The following ZNRF3 variants were observed in gnomAD, a reference collection of about 807,000 sequenced individuals.
ZNRF3 encodes the protein zinc and ring finger 3.
ZNRF3 carries 23 observed loss-of-function variants against 72.5 expected under a neutral mutation model. The ratio of observed to expected loss-of-function variants is 0.32; its 90% CI spans 0.23 to 0.45. ZNRF3 has a LOEUF of 0.45. ZNRF3 is among the 20% of genes least tolerant of loss of function. The probability of loss-of-function intolerance (pLI) is 1.00; values close to 1 mark genes in which losing one functional copy is unlikely to be tolerated. For missense variants in ZNRF3, 1,169 were observed against 1,272.1 expected, an observed-to-expected ratio of 0.92 and a Z score of 1.23; for synonymous variants, 610 against 545.3, an observed-to-expected ratio of 1.12 and a Z score of -1.65.
Position 28,883,830 on chromosome 22 carries a change from C to A in ZNRF3, c.64C>A (p.Arg22Ser), listed in dbSNP as rs1428891778. Residue 22 changes from arginine (R) to serine (S), a missense_variant, in exon 1 of 9, where the codon CGC becomes AGC. This residue lies in a region of ZNRF3 where 386 missense variants were observed against 540.7 expected (regional missense o/e 0.71). Coordinates refer to ENST00000544604, the MANE Select transcript of ZNRF3 (RefSeq NM_001206998.2). This position sits in a 1 kb window ranked among gnomAD's most constrained non-coding sequence, Gnocchi z 5.5. ...TGRRRRRLRR[R>S]PRGLRCSRLP... Reference sequence around the variant, plus strand: ...CCGCCGCCGCCGCCGCCTGCGCCGCCGCCCCCGCGGCCTCCGGTGCAGCCG... The same window carrying A: ...CCGCCGCCGCCGCCGCCTGCGCCGCAGCCCCCGCGGCCTCCGGTGCAGCCG... 1 of 978,534 alleles carries A rather than the reference C, an allele frequency of 1.0e-6. No homozygotes were observed. The highest frequency in any genetic ancestry group is 1.2e-6 in the Non-Finnish European group (1 of 827,204). 60.6% of individuals were successfully genotyped at this position (978,534 alleles called of 1,614,324 possible).
chr22:28,966,559 A>G (rs577425521), intron 1 of ZNRF3, among the ~76,000 whole-genome samples: 56 of 152,186 alleles, frequency 3.7e-4, no homozygotes, highest in Non-Finnish European at 7.8e-4. Flanking sequence ...AGACAGTGAC[A>G]TTGATGATCC....
chr22:29,046,395 G>A (rs1206523761), intron 5 of ZNRF3, among the ~76,000 whole-genome samples: 8 of 152,202 alleles, frequency 5.3e-5, no homozygotes, highest in African/African-American at 9.7e-5. Flanking sequence ...AACGCTTGGC[G>A]TAGAACAGGT....
chr22:28,898,426 C>T (rs183431654), intron 1 of ZNRF3, among the ~76,000 whole-genome samples: 16 of 152,316 alleles, frequency 1.1e-4, no homozygotes, highest in Non-Finnish European at 1.8e-4. Context: ...GAGGTGACAC[C>T]CTCTGGCTCC....
rs1013263254 is a variant in ZNRF3, at chr22:29,050,728, C to T, written c.2547C>T (p.Thr849=). 1.6e-5 allele frequency: 26 copies of T among 1,610,888 alleles called. No homozygotes were observed. The highest frequency in any genetic ancestry group is 2.0e-5 in the Non-Finnish European group (24 of 1,178,940). The change falls in exon 8 of 9, where the codon ACC becomes ACT. Residue 849 remains threonine, a synonymous_variant. Transcript: ENST00000544604. ...DLGLPSDCQG[T]HSLGSWGGTR... ...GCCTGCCCTCGGACTGCCAAGGGAC[C>T]CACAGCCTCGGCTCCTGGGGTGGGA...
intron 1 of ZNRF3, among the ~76,000 whole-genome samples, chr22:28,917,851 C>G (rs2034437133): frequency 6.6e-6 from 1 of 152,198 alleles, no homozygotes; most frequent in Non-Finnish European, 1.5e-5. Flanking sequence ...GGCGTGCTGT[C>G]CCCTGGCCAC....
intron 1 of ZNRF3, among the ~76,000 whole-genome samples, chr22:28,919,651 C>T (rs749574925): frequency 3.3e-5 from 5 of 150,868 alleles, no homozygotes; most frequent in East Asian, 4.0e-4. Context: ...GGATTACAGG[C>T]GCGTGCCACC....
At position 28,967,533 on chromosome 22, in the gene ZNRF3, C is replaced by T. The variant is rs112271241; in HGVS notation, c.301-19543C>T. 2.4e-4 allele frequency among the ~76,000 whole-genome samples: 36 copies of T among 152,366 alleles called. 2 individuals are homozygous for T. Among genetic ancestry groups the T allele is most frequent in the African/African-American group, 8.7e-4 (36 of 41,592 alleles). On this transcript the variant is annotated intron_variant, in intron 1 of 8. Transcript: ENST00000544604. ...GACTACCTTTGAATTGTTACTCCTT[C>T]ACAGATCATCTGTCTTCTCTGTTAG...
At chr22:28,919,982 T>G (rs979297274) in intron 1 of ZNRF3, among the ~76,000 whole-genome samples, 2 of 152,124 alleles carry the variant, frequency 1.3e-5, no homozygotes, top group African/African-American at 4.8e-5. Context: ...TTTTATTTTT[T>G]GAGATGGAGT....
Position 29,057,085 on chromosome 22 carries a change from G to A in ZNRF3, c.*3463G>A, listed in dbSNP as rs2037313724. The stretch of plus-strand genomic sequence containing the variant: ...TTAATTTTTCCCATAGCACTTAAAA[G>A]AGATTTTGTAAAGACCTTGCTGTAA... On this transcript the variant is annotated 3_prime_UTR_variant, in exon 9 of 9. Transcript: ENST00000544604. 1 of 152,136 alleles carries A rather than the reference G, an allele frequency of 6.6e-6. No homozygotes were observed. Among genetic ancestry groups the A allele is most frequent in the Non-Finnish European group, 1.5e-5 (1 of 68,040 alleles). 9.4% of individuals were successfully genotyped at this position (152,136 alleles called of 1,614,324 possible). A position where few individuals can be genotyped will look rare whatever the true frequency, so the allele number is the denominator to read the frequency against.
At chr22:29,031,375 AC>A (rs1305630211) in intron 2 of ZNRF3, 1 of 154,940 alleles carries the variant, frequency 6.5e-6, no homozygotes, top group Non-Finnish European at 1.4e-5. Context: ...CGTTCCTGGC[AC>A]CAGGATTTTC....
At chr22:28,966,024 G>A (rs1323014429) in intron 1 of ZNRF3, among the ~76,000 whole-genome samples, 8 of 152,136 alleles carry the variant, frequency 5.3e-5, no homozygotes, top group Admixed American at 5.2e-4. Flanking sequence ...TGACTTTACT[G>A]CATAATAAAT....
Position 28,994,176 on chromosome 22 carries a change from CTTTTTTTTTTTTTT to C in ZNRF3, c.426+6989_426+7002del, listed in dbSNP as rs57329565. On this transcript the variant is annotated intron_variant, in intron 2 of 8. Transcript: ENST00000544604. Reference sequence around the variant, plus strand: ...TCCTTTATTGTCCTTCAGTTCCTTTCTTTTTTTTTTTTTTTTTTTTTTTTTTTGAGATGGAATTT... The same window carrying C: ...TCCTTTATTGTCCTTCAGTTCCTTTCTTTTTTTTTTTTTGAGATGGAATTT... Among the ~76,000 whole-genome samples, 16 of 39,794 alleles carry C rather than the reference CTTTTTTTTTTTTTT, an allele frequency of 4.0e-4. 1 individual carries two copies. The highest frequency in any genetic ancestry group is 4.0e-3 in the South Asian group (3 of 752). The allele number at this position is 39,794 out of a possible 152,430, so 26.1% of individuals were successfully genotyped here. A position where few individuals can be genotyped will look rare whatever the true frequency, so the allele number is the denominator to read the frequency against.
chr22:28,903,642 G>A (rs1038992899), intron 1 of ZNRF3, among the ~76,000 whole-genome samples: 1 of 152,060 alleles, frequency 6.6e-6, no homozygotes, highest in Admixed American at 6.5e-5. Flanking sequence ...AATGGAGAAG[G>A]TGAGTTCCAT....
intron 2 of ZNRF3, among the ~76,000 whole-genome samples, chr22:29,001,755 C>T (rs1176802899): frequency 3.3e-5 from 5 of 152,112 alleles, no homozygotes; most frequent in African/African-American, 4.8e-5. Context: ...TTACAGTGAG[C>T]CACCGCGCCC....
intron 1 of ZNRF3, among the ~76,000 whole-genome samples, chr22:28,908,970 C>T (rs2034264993): frequency 6.6e-6 from 1 of 152,134 alleles, no homozygotes; most frequent in Non-Finnish European, 1.5e-5. Context: ...GATCTCGACT[C>T]ACTGCAACCT....
chr22:29,015,557 C>T (rs1444428083), intron 2 of ZNRF3, among the ~76,000 whole-genome samples: 4 of 151,770 alleles, frequency 2.6e-5, no homozygotes, highest in Non-Finnish European at 5.9e-5. Flanking sequence ...GTAGTCCCAG[C>T]TACTCAGGAG....
chr22:28,918,627 A>T (rs1387134742), intron 1 of ZNRF3, among the ~76,000 whole-genome samples: 5 of 151,842 alleles, frequency 3.3e-5, no homozygotes, highest in African/African-American at 1.2e-4. Flanking sequence ...AGATAGTTAG[A>T]ATACAGCCAC....
At chr22:28,975,507 CAAAAAAAAAA>C (rs71316877) in intron 1 of ZNRF3, among the ~76,000 whole-genome samples, 17 of 47,886 alleles carry the variant, frequency 3.6e-4, no homozygotes, top group Admixed American at 1.5e-3. Flanking sequence ...TACTCTGTCT[CAAAAAAAAAA>C]AAAAAAAAAA....
intron 2 of ZNRF3, among the ~76,000 whole-genome samples, chr22:28,999,987 A>G (rs993077993): frequency 2.6e-5 from 4 of 152,246 alleles, no homozygotes; most frequent in Admixed American, 2.0e-4. Flanking sequence ...CAAAAGCACC[A>G]TATTTTATTT....
Sources: allele counts gnomAD v4.1 joint callset (sites outside exome capture counted in the v4.1 genomes callset), GRCh38; gene constraint gnomAD v4.1.1; regional missense constraint gnomAD v4.1.1; non-coding constraint Gnocchi (gnomAD v3.1); transcripts MANE v1.5; gene names NCBI Gene and HGNC (gene_info 2026-07-23, HGNC 2026-07-21).